The following HGF variants were observed in gnomAD, a reference collection of about 807,000 sequenced individuals.
The protein encoded by HGF is fibroblast-derived tumor cytotoxic factor.
Under a neutral mutation model 111.6 loss-of-function variants are expected in HGF, and 39 were observed. The ratio of observed to expected loss-of-function variants is 0.35; its 90% CI spans 0.27 to 0.46. The LOEUF (loss-of-function observed/expected upper bound fraction) is 0.46, where lower values mean the gene tolerates loss of function less well. Ranked by LOEUF, HGF falls within the 20% of genes least tolerant of loss-of-function variation. HGF has a pLI of 1.00. For missense variants in HGF, 735 were observed against 910.5 expected, an observed-to-expected ratio of 0.81 and a Z score of 2.48; for synonymous variants, 285 against 294.8, an observed-to-expected ratio of 0.97 and a Z score of 0.34.
intron 5 of HGF, among the ~76,000 whole-genome samples, chr7:81,749,904 T>G (rs1458261116): frequency 1.3e-5 from 2 of 152,060 alleles, no homozygotes; most frequent in Admixed American, 1.3e-4. Context: ...TCTTTTTCAT[T>G]TGAACAGTCT....
At chr7:81,742,196 A>G (rs1229139119) in intron 7 of HGF, among the ~76,000 whole-genome samples, 1 of 152,204 alleles carries the variant, frequency 6.6e-6, no homozygotes, top group Non-Finnish European at 1.5e-5. Context: ...AAAGGCTTCC[A>G]GATTCTTCAG....
intron 12 of HGF, among the ~76,000 whole-genome samples, chr7:81,710,520 C>T (rs974474711): frequency 3.3e-5 from 5 of 152,070 alleles, no homozygotes; most frequent in African/African-American, 1.2e-4. Context: ...GCTCACAATA[C>T]ACTAAGACCA....
chr7:81,712,846 CTTAT>C (rs1317220587), intron 11 of HGF, among the ~76,000 whole-genome samples: 2 of 152,202 alleles, frequency 1.3e-5, no homozygotes, highest in Non-Finnish European at 2.9e-5. Context: ...TTAATATATA[CTTAT>C]TTAAGTTCAT....
chr7:81,760,480 G>A (rs1037368699), intron 2 of HGF, among the ~76,000 whole-genome samples: 45 of 152,036 alleles, frequency 3.0e-4, no homozygotes, highest in African/African-American at 9.7e-4. Context: ...AGATGGTTTC[G>A]CACACTTCTT....
chr7:81,713,989 C>CGTGTGTGTGTGTGTGTGTGT (rs10539468), intron 11 of HGF, among the ~76,000 whole-genome samples: 1 of 142,320 alleles, frequency 7.0e-6, no homozygotes, highest in Non-Finnish European at 1.5e-5. Flanking sequence ...GGTGTGTGTG[C>CGTGTGTGTGTGTGTGTGTGT]GTGTGTGTGT....
In HGF at chr7:81,717,359, G is replaced by C; in HGVS notation, c.1278C>G (p.Ile426Met). 1.2e-6 allele frequency: 2 copies of C among 1,613,474 alleles called. No individual in the cohort carries two copies. Among genetic ancestry groups the C allele is most frequent in the Non-Finnish European group, 1.7e-6 (2 of 1,179,500 alleles). ...DKNMEDLHRH[I>M]FWEPDASKLN... ...GCTTACTTGCATCTGGTTCCCAGAA[G>C]ATATGACTGTGGAAACAACAGGCCT... The change falls in exon 11 of 18, where the codon ATC (isoleucine) becomes ATG (methionine). Residue 426 changes from isoleucine to methionine, a missense_variant. Coordinates refer to ENST00000222390, the MANE Select transcript of HGF (RefSeq NM_000601.6).
At chr7:81,735,680 A>G (rs1008837605) in intron 7 of HGF, among the ~76,000 whole-genome samples, 4 of 152,142 alleles carry the variant, frequency 2.6e-5, no homozygotes, top group East Asian at 3.9e-4. Context: ...TTTGTTTCCA[A>G]TGGAAACATA....
chr7:81,731,549 T>C (rs1171948377), intron 7 of HGF, among the ~76,000 whole-genome samples: 1 of 152,204 alleles, frequency 6.6e-6, no homozygotes. Flanking sequence ...TTTTATAATT[T>C]CAATACTATC....
chr7:81,743,098 G>T, intron 7 of HGF: 1 of 775,616 alleles, frequency 1.3e-6, no homozygotes, highest in Non-Finnish European at 2.2e-6. Flanking sequence ...GATAACATTA[G>T]AATGTTTAGG....
At chr7:81,761,560 A>G (rs1789077968) in intron 2 of HGF, among the ~76,000 whole-genome samples, 1 of 152,102 alleles carries the variant, frequency 6.6e-6, no homozygotes, top group Non-Finnish European at 1.5e-5. Flanking sequence ...CCTGTTAAAA[A>G]AAAAAAAAAG....
At position 81,758,822 on chromosome 7, in the gene HGF, AT is replaced by A. The variant is rs746614893; in HGVS notation, c.255-19del. ...CAAAAGCCCTGAAAAAAATATCAGA[AT>A]GAAAAGAAGAAATACTACTATTTAT... On this transcript the variant is annotated intron_variant, in intron 2 of 17. Transcript: ENST00000222390. 6.6e-6 allele frequency: 10 copies of A among 1,509,164 alleles called. No individual in the cohort carries two copies. Among genetic ancestry groups the A allele is most frequent in the African/African-American group, 1.4e-5 (1 of 72,728 alleles). 93.5% of individuals were successfully genotyped at this position (1,509,164 alleles called of 1,614,324 possible).
chr7:81,737,218 G>A (rs771814459), intron 7 of HGF, among the ~76,000 whole-genome samples: 1 of 151,934 alleles, frequency 6.6e-6, no homozygotes, highest in African/African-American at 2.4e-5. Flanking sequence ...CCTAAATCAT[G>A]CAAAAGAGAG....
At chr7:81,728,543 T>C (rs1394993722) in intron 8 of HGF, among the ~76,000 whole-genome samples, 1 of 152,194 alleles carries the variant, frequency 6.6e-6, no homozygotes, top group Non-Finnish European at 1.5e-5. Flanking sequence ...GTGAAACCCA[T>C]GGGTCACGAA....
intron 13 of HGF, among the ~76,000 whole-genome samples, chr7:81,707,676 G>C (rs1162157109): frequency 6.6e-6 from 1 of 152,012 alleles, no homozygotes; most frequent in African/African-American, 2.4e-5. Context: ...ATCTATCCTT[G>C]TGAGGAACGT....
Position 81,762,876 on chromosome 7 carries a change from T to C in HGF, c.89-4A>G, listed in dbSNP as rs994117949. On this transcript the variant is annotated splice_region_variant and splice_polypyrimidine_tract_variant and intron_variant, in intron 1 of 17. Coordinates refer to ENST00000222390, the MANE Select transcript of HGF (RefSeq NM_000601.6). ...TTTCTTCTTTTCCTTTGTCCCTCTA[T>C]TAAATACAAAATGTTTTAAAAAAAT... The C allele has an allele frequency of 6.8e-7, 1 of 1,472,244 alleles. No individual in the cohort carries two copies. The highest frequency in any genetic ancestry group is 1.7e-5 in the Admixed American group (1 of 58,820). The allele number at this position is 1,472,244 out of a possible 1,614,324, so 91.2% of individuals were successfully genotyped here. A position where few individuals can be genotyped will look rare whatever the true frequency, so the allele number is the denominator to read the frequency against.
intron 11 of HGF, among the ~76,000 whole-genome samples, chr7:81,712,873 G>C (rs114865656): frequency 0.011 from 1,672 of 152,238 alleles, 28 homozygotes; most frequent in African/African-American, 0.038. Flanking sequence ...TTCAGATCTA[G>C]ATATTTTAAA....
rs908937703 is a variant in HGF at position 81,699,508 on chromosome 7, A to C, written c.*3073T>G. 2.0e-5 allele frequency: 3 copies of C among 151,662 alleles called. No homozygotes were observed. In the Admixed American group the frequency reaches 2.0e-4, roughly 10 times the overall value. The allele number at this position is 151,662 out of a possible 1,614,324, so 9.4% of individuals were successfully genotyped here. On this transcript the variant is annotated 3_prime_UTR_variant, in exon 18 of 18. Coordinates refer to ENST00000222390, the MANE Select transcript of HGF (RefSeq NM_000601.6). ...TGTATGGGATGTAATTAATTATAATAGTATTTTTTGAATCTCAATAAATTG... is the reference window on the plus strand; with the variant it reads ...TGTATGGGATGTAATTAATTATAATCGTATTTTTTGAATCTCAATAAATTG...
At chr7:81,737,074 T>C (rs1354137443) in intron 7 of HGF, among the ~76,000 whole-genome samples, 1 of 152,062 alleles carries the variant, frequency 6.6e-6, no homozygotes, top group African/African-American at 2.4e-5. Context: ...TGGAGTGAAA[T>C]GCTCTTATGT....
chr7:81,743,879 T>C (rs1788112765), intron 6 of HGF, among the ~76,000 whole-genome samples: 1 of 152,192 alleles, frequency 6.6e-6, no homozygotes, highest in Non-Finnish European at 1.5e-5. Flanking sequence ...TTACTAATGA[T>C]AACTCAGTTT....
Sources: allele counts gnomAD v4.1 joint callset (sites outside exome capture counted in the v4.1 genomes callset), GRCh38; gene constraint gnomAD v4.1.1; transcripts MANE v1.5; gene names NCBI Gene and HGNC (gene_info 2026-07-23, HGNC 2026-07-21).